PCDH9: variants seen among roughly 807,000 people sequenced by gnomAD.
PCDH9 encodes the protein protocadherin 9.
Under a neutral mutation model 70.6 loss-of-function variants are expected in PCDH9, and 24 were observed. The observed-to-expected ratio is 0.34, with a 90% CI of 0.25 to 0.48. PCDH9 has a LOEUF of 0.48. PCDH9 is among the 20% of genes least tolerant of loss of function. The probability of loss-of-function intolerance (pLI) is 0.99; values close to 1 mark genes in which losing one functional copy is unlikely to be tolerated. For missense variants in PCDH9, 1,281 were observed against 1,503.6 expected, an observed-to-expected ratio of 0.85 and a Z score of 2.45; for synonymous variants, 562 against 558.5, an observed-to-expected ratio of 1.01 and a Z score of -0.09.
Position 66,561,295 on chromosome 13 carries a change from G to A in PCDH9, c.3340+69915C>T, listed in dbSNP as rs530837385. Among the ~76,000 whole-genome samples the A allele has an allele frequency of 5.9e-5, 9 of 152,340 alleles. No homozygotes were observed. In the East Asian group the frequency reaches 1.4e-3, roughly 23 times the overall value. On this transcript the variant is annotated intron_variant, in intron 4 of 4. Transcript: ENST00000377865. ...GGGACCTGCAGCCCGCCATGCCTGGGCTTCCCCCCACCCACTCTGTGGGCT... is the reference window on the plus strand; with the variant it reads ...GGGACCTGCAGCCCGCCATGCCTGGACTTCCCCCCACCCACTCTGTGGGCT...
intron 4 of PCDH9, among the ~76,000 whole-genome samples, chr13:66,465,850 G>A (rs977836717): frequency 1.3e-5 from 2 of 151,618 alleles, no homozygotes; most frequent in African/African-American, 4.8e-5. Flanking sequence ...ATATATTACT[G>A]TGGAAAATTC....
chr13:66,676,876 T>C (rs2078250297), intron 3 of PCDH9, among the ~76,000 whole-genome samples: 1 of 152,130 alleles, frequency 6.6e-6, no homozygotes, highest in South Asian at 2.1e-4. Context: ...CTGTAAAATA[T>C]ATATTGCAAT....
chr13:67,027,463 C>A (rs1184265258), intron 2 of PCDH9, among the ~76,000 whole-genome samples: 2 of 152,164 alleles, frequency 1.3e-5, no homozygotes, highest in Non-Finnish European at 2.9e-5. Context: ...ACCATAGAAA[C>A]CCTAGAAGAA....
At position 67,225,362 on chromosome 13, in the gene PCDH9, A is replaced by G. The variant is rs747139325; in HGVS notation, c.3036+43T>C. 6 of 1,572,412 alleles carry G rather than the reference A, an allele frequency of 3.8e-6. No homozygotes were observed. The Admixed American group carries it at 1.0e-4, about 26-fold the overall frequency. On this transcript the variant is annotated intron_variant, in intron 2 of 4. Coordinates refer to ENST00000377865, the MANE Select transcript of PCDH9 (RefSeq NM_203487.3). ...GCACGTTAATACTGGTTGACTGGGC[A>G]CTTGTATGCAGTACTTATAGACCAG... is the stretch of plus-strand genomic sequence containing the variant.
intron 2 of PCDH9, among the ~76,000 whole-genome samples, chr13:66,969,749 A>T (rs1201745576): frequency 6.6e-6 from 1 of 152,000 alleles, no homozygotes; most frequent in Non-Finnish European, 1.5e-5. Flanking sequence ...ACAGATATAC[A>T]CAGACTCAAT....
At chr13:66,926,724 A>G (rs543735898) in intron 2 of PCDH9, among the ~76,000 whole-genome samples, 1 of 152,124 alleles carries the variant, frequency 6.6e-6, no homozygotes, top group Non-Finnish European at 1.5e-5. Context: ...AAGAGGTTTC[A>G]GTCTAATTCC....
intron 3 of PCDH9, among the ~76,000 whole-genome samples, chr13:66,764,714 T>A (rs1343424608): frequency 6.6e-6 from 1 of 151,980 alleles, no homozygotes; most frequent in African/African-American, 2.4e-5. Flanking sequence ...TTAAGTAATT[T>A]TTGACCAAGC....
chr13:66,967,278 G>A (rs150659317), intron 2 of PCDH9, among the ~76,000 whole-genome samples: 1,628 of 152,076 alleles, frequency 0.011, 12 homozygotes, highest in Middle Eastern at 0.017. Context: ...GGAATTATTC[G>A]TAGTGATATC....
intron 4 of PCDH9, among the ~76,000 whole-genome samples, chr13:66,516,716 ATC>A (rs143905336): frequency 6.7e-6 from 1 of 150,112 alleles, no homozygotes. Context: ...ACCATCCGAA[ATC>A]TCTCTCTCTC....
At chr13:66,880,793 A>C (rs1291244361) in intron 3 of PCDH9, among the ~76,000 whole-genome samples, 1 of 152,180 alleles carries the variant, frequency 6.6e-6, no homozygotes, top group African/African-American at 2.4e-5. Flanking sequence ...ATATTAGGTT[A>C]TTTCCTTTAA....
intron 3 of PCDH9, among the ~76,000 whole-genome samples, chr13:66,673,915 C>A (rs1210627822): frequency 6.6e-6 from 1 of 152,098 alleles, no homozygotes; most frequent in Non-Finnish European, 1.5e-5. Flanking sequence ...ATTCATTTGT[C>A]TTCCTTGTAT....
chr13:66,649,889 C>T (rs1414536443), intron 3 of PCDH9, among the ~76,000 whole-genome samples: 4 of 150,100 alleles, frequency 2.7e-5, no homozygotes, highest in Admixed American at 6.6e-5. Context: ...TTAGACAATC[C>T]GTGTTAGTTA....
intron 4 of PCDH9, among the ~76,000 whole-genome samples, chr13:66,361,336 G>T (rs1956467710): frequency 6.6e-6 from 1 of 152,114 alleles, no homozygotes; most frequent in African/African-American, 2.4e-5. Flanking sequence ...ATTTGTATAT[G>T]TATGTGATGT....
At chr13:66,405,153 C>G (rs1421916087) in intron 4 of PCDH9, among the ~76,000 whole-genome samples, 5 of 152,084 alleles carry the variant, frequency 3.3e-5, no homozygotes, top group Non-Finnish European at 5.9e-5. Context: ...TTTCCATTTG[C>G]TCTATTTTTT....
At chr13:66,656,871 G>T (rs1189404207) in intron 3 of PCDH9, among the ~76,000 whole-genome samples, 1 of 152,166 alleles carries the variant, frequency 6.6e-6, no homozygotes, top group African/African-American at 2.4e-5. Context: ...TTACCTCGTG[G>T]ATTCCAAGAC....
At chr13:66,448,245 T>G (rs1958135905) in intron 4 of PCDH9, among the ~76,000 whole-genome samples, 1 of 152,114 alleles carries the variant, frequency 6.6e-6, no homozygotes, top group Admixed American at 6.5e-5. Context: ...TATTGGAAAT[T>G]TTGTATTTTT....
chr13:66,679,463 T>C (rs889692929), intron 3 of PCDH9, among the ~76,000 whole-genome samples: 2 of 151,944 alleles, frequency 1.3e-5, no homozygotes, highest in African/African-American at 4.8e-5. Flanking sequence ...CTGGATCCAA[T>C]AGCTTTTTGA....
At chr13:66,511,782 G>A (rs1959484974) in intron 4 of PCDH9, among the ~76,000 whole-genome samples, 1 of 152,094 alleles carries the variant, frequency 6.6e-6, no homozygotes, top group South Asian at 2.1e-4. Flanking sequence ...CTTTTCCCAT[G>A]TGATATACCT....
chr13:66,373,206 GT>G (rs1956689514), intron 4 of PCDH9, among the ~76,000 whole-genome samples: 1 of 151,908 alleles, frequency 6.6e-6, no homozygotes, highest in Admixed American at 6.6e-5. Flanking sequence ...CCTTAAGGAC[GT>G]TATGCCAGAT....
Sources: allele counts gnomAD v4.1 joint callset (sites outside exome capture counted in the v4.1 genomes callset), GRCh38; gene constraint gnomAD v4.1.1; transcripts MANE v1.5; gene names NCBI Gene and HGNC (gene_info 2026-07-23, HGNC 2026-07-21).